Variants in USP42 observed in about 807,000 individuals in gnomAD.
USP42 encodes ubiquitin carboxyl-terminal hydrolase 42.
In USP42, 23 loss-of-function variants were observed where a neutral mutation model predicts 113.0. The observed-to-expected ratio is 0.20, with a 90% CI of 0.15 to 0.29. The LOEUF (loss-of-function observed/expected upper bound fraction) is 0.29, where lower values mean the gene tolerates loss of function less well. USP42 is among the 10% of genes least tolerant of loss of function. The pLI, the probability that USP42 is intolerant of heterozygous loss-of-function variation, is 1.00. For synonymous variants in USP42, 933 were observed against 699.0 expected (o/e 1.33, Z -5.28); for missense variants, 2,174 against 1,779.8 (o/e 1.22, Z -3.99).
At chr7:6,135,720 C>A in intron 3 of USP42, 121 bp from the exon 4 acceptor site, 6 of 316,334 alleles carry the variant, frequency 1.9e-5, no homozygotes, top group East Asian at 5.7e-5. Flanking sequence ...GTAGATAGCT[C>A]AAGGCATGCA....
chr7:6,153,717 C>G, intron 14 of USP42, 39 bp from the exon 15 acceptor site: 1 of 1,426,152 alleles, frequency 7.0e-7, no homozygotes, highest in Non-Finnish European at 9.2e-7. Context: ...CCTGTCAAGC[C>G]CACGCTAACG....
chr7:6,133,926 T>C (rs1475336588), intron 3 of USP42, among the ~76,000 whole-genome samples: 1 of 150,394 alleles, frequency 6.6e-6, no homozygotes, highest in East Asian at 1.9e-4. Flanking sequence ...CGTCTTGCTC[T>C]GTCGCCCAGG....
At chr7:6,089,994 C>G in the USP42 span, among the ~76,000 whole-genome samples, 9 of 148,612 alleles carry the variant, frequency 6.1e-5, 1 homozygote, top group African/African-American at 1.5e-4. Flanking sequence ...GAGCAAGACT[C>G]TGTCTCAAAA....
At chr7:6,089,066 A>G in the USP42 span, among the ~76,000 whole-genome samples, 2 of 150,130 alleles carry the variant, frequency 1.3e-5, no homozygotes, top group Non-Finnish European at 2.9e-5. Flanking sequence ...TCTTTTTGAA[A>G]TGGAGTTTCA....
chr7:6,090,015 T>C, the USP42 span, among the ~76,000 whole-genome samples: 1 of 145,760 alleles, frequency 6.9e-6, no homozygotes, highest in African/African-American at 2.6e-5. Flanking sequence ...GATATATATA[T>C]AGGGCCAGGC....
chr7:6,103,722 G>A (rs1790212631), upstream of USP42, among the ~76,000 whole-genome samples: 2 of 118,574 alleles, frequency 1.7e-5, no homozygotes, highest in South Asian at 5.5e-4. Context: ...GCAACATAGC[G>A]AGACCCCCGT....
chr7:6,154,135 G>T lies in USP42; in HGVS notation c.2581G>T (p.Ala861Ser), dbSNP rs767244527. The T allele has an allele frequency of 6.9e-6, 11 of 1,597,740 alleles. No homozygotes were observed. The highest frequency in any genetic ancestry group is 8.5e-6 in the Non-Finnish European group (10 of 1,173,860). ...GGAAGGGTTGAGTCCGGCTCCGCCT[G>T]CGCGGTCGGAGGAGCCCTGCGAGCA... ...APEGLSPAPP[A>S]RSEEPCEQPL... Residue 861 changes from alanine (A) to serine (S), a missense_variant, in exon 15 of 18, where the codon GCG becomes TCG. Physicochemically the swap from Ala to Ser is moderately conservative, Grantham distance 99. Coordinates refer to ENST00000306177, the MANE Select transcript of USP42 (RefSeq NM_032172.3).
chr7:6,126,577 G>A (rs1780557923), intron 3 of USP42, among the ~76,000 whole-genome samples: 1 of 152,140 alleles, frequency 6.6e-6, no homozygotes, highest in African/African-American at 2.4e-5. Context: ...GAGCCACTGT[G>A]CCGGCCTGAT....
Position 6,159,392 on chromosome 7 carries a change from A to T in USP42, c.3944-58A>T. 5 of 1,612,670 alleles carry T rather than the reference A, an allele frequency of 3.1e-6. No individual in the cohort carries two copies. Among genetic ancestry groups the T allele is most frequent in the Non-Finnish European group, 4.2e-6 (5 of 1,179,012 alleles). On this transcript the variant is annotated intron_variant, in intron 16 of 17. Coordinates refer to ENST00000306177, the MANE Select transcript of USP42 (RefSeq NM_032172.3). The surrounding 1 kb of genome is among the most constrained non-coding windows in gnomAD (Gnocchi z 4.1). ...GCCACTTAACGCACACACACAGCAG[A>T]GGCCCTGGCGATTTTGCAACCATCA...
intron 11 of USP42, among the ~76,000 whole-genome samples, chr7:6,147,304 A>C (rs1016351116): frequency 6.6e-6 from 1 of 152,168 alleles, no homozygotes; most frequent in Non-Finnish European, 1.5e-5. Flanking sequence ...TTCTACAGAA[A>C]ATAAAAAAAT....
intron 3 of USP42, among the ~76,000 whole-genome samples, chr7:6,126,385 C>T (rs188460443): frequency 8.6e-5 from 13 of 151,992 alleles, no homozygotes; most frequent in East Asian, 1.9e-4. Context: ...CCTGGCTTCA[C>T]GCCATTCTCC....
chr7:6,129,507 A>G (rs949809628), intron 3 of USP42, among the ~76,000 whole-genome samples: 8 of 150,582 alleles, frequency 5.3e-5, no homozygotes, highest in Admixed American at 4.0e-4. Flanking sequence ...TGGTGAGCCA[A>G]GATTGTGCTA....
chr7:6,142,710 C>T (rs1456353652), intron 7 of USP42, among the ~76,000 whole-genome samples: 1 of 151,556 alleles, frequency 6.6e-6, no homozygotes, highest in African/African-American at 2.4e-5. Context: ...ATAGTGAGAC[C>T]CCTGTCTCTA....
chr7:6,154,370 A>C lies in USP42; in HGVS notation c.2816A>C (p.Lys939Thr). The change falls in exon 15 of 18, where the codon AAG becomes ACG. Residue 939 changes from lysine to threonine, a missense_variant. Coordinates refer to ENST00000306177, the MANE Select transcript of USP42 (RefSeq NM_032172.3). ...APKAPGPSPA[K>T]EKIGSLRKVD... Reference sequence around the variant, plus strand: ...AAAGCCCCAGGCCCTTCCCCAGCGAAGGAGAAAATCGGCAGCCTCAGAAAG... The same window carrying C: ...AAAGCCCCAGGCCCTTCCCCAGCGACGGAGAAAATCGGCAGCCTCAGAAAG... The C allele has an allele frequency of 6.3e-7, 1 of 1,576,508 alleles. No individual in the cohort carries two copies. Among genetic ancestry groups the C allele is most frequent in the East Asian group, 2.4e-5 (1 of 42,404 alleles).
At chr7:6,138,438 C>A (rs1781264756) in intron 4 of USP42, among the ~76,000 whole-genome samples, 1 of 152,154 alleles carries the variant, frequency 6.6e-6, no homozygotes, top group African/African-American at 2.4e-5. Flanking sequence ...TTTAAAATCA[C>A]CAGCATAGCA....
At chr7:6,116,638 C>A in intron 3 of USP42, 2 of 369,542 alleles carry the variant, frequency 5.4e-6, no homozygotes, top group Non-Finnish European at 5.2e-6. Flanking sequence ...TTTTTTTTTC[C>A]CTCCAAAGAG....
chr7:6,133,638 G>A lies in USP42; in HGVS notation c.443-2203G>A, dbSNP rs970344368. Among the ~76,000 whole-genome samples the A allele has an allele frequency of 3.3e-5, 5 of 151,680 alleles. 1 individual carries two copies. The highest frequency in any genetic ancestry group is 4.2e-4 in the South Asian group (2 of 4,798). On this transcript the variant is annotated intron_variant, in intron 3 of 17. Transcript: ENST00000306177. Reference sequence around the variant, plus strand: ...CAGGTGGTCCTCCCATCCCACATCAGCCTCTGGAGTAGCTGAGACTACAAG... The same window carrying A: ...CAGGTGGTCCTCCCATCCCACATCAACCTCTGGAGTAGCTGAGACTACAAG...
rs763685659 is a variant in USP42, at chr7:6,140,016, G to T, written c.657-112G>T. The T allele has an allele frequency of 3.0e-6, 3 of 1,006,210 alleles. No homozygotes were observed. The East Asian group carries it at 7.1e-5, about 24-fold the overall frequency. The allele number at this position is 1,006,210 out of a possible 1,614,324, so 62.3% of individuals were successfully genotyped here. On this transcript the variant is annotated intron_variant, in intron 5 of 17. Coordinates refer to ENST00000306177, the MANE Select transcript of USP42 (RefSeq NM_032172.3). The stretch of plus-strand genomic sequence containing the variant: ...TGCCATCCTTTTATTTTCCATGGCT[G>T]TCCTGTTTGAATTCTTGATCTTTTG...
Position 6,154,637 on chromosome 7 carries a change from T to G in USP42, c.3083T>G (p.Val1028Gly). Residue 1028 changes from valine to glycine, a missense_variant, in exon 15 of 18, where the codon GTG (valine) becomes GGG (glycine). By Grantham distance (109) the Val-to-Gly change is moderately radical. Coordinates refer to ENST00000306177, the MANE Select transcript of USP42 (RefSeq NM_032172.3). ...CACCACTCCCGACACCGGAGCGGGGTGGAGCTGGACTGGGTCAGACACCAC... is the reference window on the plus strand; with the variant it reads ...CACCACTCCCGACACCGGAGCGGGGGGGAGCTGGACTGGGTCAGACACCAC... Reference protein sequence around the residue: ...SHHHSRHRSGVELDWVRHHYT... With the variant: ...SHHHSRHRSGGELDWVRHHYT... The G allele has an allele frequency of 6.2e-7, 1 of 1,603,128 alleles. No homozygotes were observed.
Sources: gnomAD v4.1 joint callset for allele counts (sites outside exome capture counted in the v4.1 genomes callset) on GRCh38, gnomAD v4.1.1 for gene constraint, Gnocchi (gnomAD v3.1) non-coding constraint, MANE v1.5 for transcripts, NCBI Gene and HGNC (gene_info 2026-07-23, HGNC 2026-07-21) for gene names.